The following ASAP2 variants were observed in gnomAD, a reference collection of about 807,000 sequenced individuals.
ASAP2 encodes the protein ArfGAP with SH3 domain, ankyrin repeat and PH domain 2.
Under a neutral mutation model 131.4 loss-of-function variants are expected in ASAP2, and 45 were observed. The ratio of observed to expected loss-of-function variants is 0.34; its 90% confidence interval spans 0.27 to 0.44. The LOEUF is 0.44. Ranked by LOEUF, ASAP2 falls within the 20% of genes least tolerant of loss-of-function variation. The probability of loss-of-function intolerance (pLI) is 1.00; values close to 1 mark genes in which losing one functional copy is unlikely to be tolerated. For synonymous variants in ASAP2, 510 were observed against 503.0 expected (o/e 1.01, Z -0.19); for missense variants, 1,011 against 1,297.0 (o/e 0.78, Z 3.39).
intron 1 of ASAP2, among the ~76,000 whole-genome samples, chr2:9,267,495 G>A (rs751499536): frequency 1.2e-4 from 19 of 152,030 alleles, no homozygotes; most frequent in South Asian, 2.1e-4. Flanking sequence ...TTATGGCTGC[G>A]TCATATTCCA....
At chr2:9,369,030 T>A in intron 16 of ASAP2, among the ~76,000 whole-genome samples, 2 of 151,584 alleles carry the variant, frequency 1.3e-5, no homozygotes, top group Admixed American at 6.6e-5. Context: ...TTTTTTTTTT[T>A]TCTGGGAGAC....
intron 2 of ASAP2, among the ~76,000 whole-genome samples, chr2:9,289,822 T>G (rs374044186): frequency 6.6e-6 from 1 of 152,190 alleles, no homozygotes; most frequent in Admixed American, 6.5e-5. Context: ...CTGCCTGTGC[T>G]GAACACAACC....
intron 21 of ASAP2, among the ~76,000 whole-genome samples, chr2:9,385,973 G>T (rs1299322512): frequency 1.3e-5 from 2 of 152,200 alleles, no homozygotes; most frequent in Non-Finnish European, 2.9e-5. Flanking sequence ...CTGCCTTCAC[G>T]CAGGACTTGG....
intron 12 of ASAP2, 80 bp from the exon 13 acceptor site, chr2:9,355,967 C>G (rs1255865827): frequency 9.3e-6 from 14 of 1,508,694 alleles, no homozygotes; most frequent in Non-Finnish European, 1.3e-5. Flanking sequence ...ATTCCAGAGG[C>G]TAATTAGAAA....
At chr2:9,317,729 C>A (rs539744791) in intron 3 of ASAP2, among the ~76,000 whole-genome samples, 5 of 151,762 alleles carry the variant, frequency 3.3e-5, no homozygotes, top group African/African-American at 9.7e-5. Context: ...CAATCACATT[C>A]ACACTCACAT....
intron 9 of ASAP2, among the ~76,000 whole-genome samples, chr2:9,343,700 G>C (rs1429372750): frequency 1.3e-5 from 2 of 152,178 alleles, no homozygotes; most frequent in Non-Finnish European, 2.9e-5. Flanking sequence ...GCCCACCTTG[G>C]TCTCCCCAGA....
chr2:9,401,005 C>T (rs1304318896), intron 26 of ASAP2, among the ~76,000 whole-genome samples, 175 bp downstream of exon 26: 5 of 152,046 alleles, frequency 3.3e-5, no homozygotes, highest in Admixed American at 1.3e-4. Flanking sequence ...GCCCTCCTGC[C>T]GCAGCTCCAC....
intron 24 of ASAP2, among the ~76,000 whole-genome samples, chr2:9,395,554 T>TTTTTGTTTTG (rs756728313): frequency 6.6e-6 from 1 of 151,058 alleles, no homozygotes; most frequent in Non-Finnish European, 1.5e-5. Context: ...TGTTTTTGTT[T>TTTTTGTTTTG]TTTTGTTTTG....
chr2:9,342,162 A>C (rs1671628443), intron 9 of ASAP2, among the ~76,000 whole-genome samples: 1 of 152,234 alleles, frequency 6.6e-6, no homozygotes, highest in Non-Finnish European at 1.5e-5. Context: ...TGACAAGCTG[A>C]TCCTGAAGTT....
intron 1 of ASAP2, among the ~76,000 whole-genome samples, chr2:9,211,506 C>A (rs767589461): frequency 6.6e-6 from 1 of 151,980 alleles, no homozygotes; most frequent in African/African-American, 2.4e-5. Flanking sequence ...CTTTATAGCA[C>A]CATCCATTCT....
intron 22 of ASAP2, among the ~76,000 whole-genome samples, chr2:9,390,599 G>C (rs1675644191): frequency 6.6e-6 from 1 of 152,192 alleles, no homozygotes; most frequent in African/African-American, 2.4e-5. Context: ...TCTAGTGTCT[G>C]ATTTGCACTC....
intron 2 of ASAP2, among the ~76,000 whole-genome samples, chr2:9,282,806 C>T (rs944705311): frequency 6.6e-6 from 1 of 152,222 alleles, no homozygotes; most frequent in African/African-American, 2.4e-5. Flanking sequence ...GATTTCCTGC[C>T]TGCTTTCCTG....
chr2:9,315,944 CATTT>C (rs1669643499), intron 3 of ASAP2, among the ~76,000 whole-genome samples: 1 of 152,154 alleles, frequency 6.6e-6, no homozygotes, highest in Non-Finnish European at 1.5e-5. Flanking sequence ...ATTAATTGAT[CATTT>C]ATTTAGCAGA....
intron 1 of ASAP2, among the ~76,000 whole-genome samples, chr2:9,251,851 T>A (rs2709562): frequency 6.6e-6 from 1 of 151,372 alleles, no homozygotes. Flanking sequence ...CAGTGATGGA[T>A]GGAGCAGAGA....
intron 1 of ASAP2, among the ~76,000 whole-genome samples, chr2:9,262,201 A>T (rs1314418998): frequency 6.6e-6 from 1 of 152,210 alleles, no homozygotes; most frequent in East Asian, 1.9e-4. Flanking sequence ...ATTAGTGGAA[A>T]TGAAAGGCTG....
rs767132282 is a variant in ASAP2, at chr2:9,400,041, A to G, written c.2703A>G (p.Pro901=). Residue 901 remains proline (P), a synonymous_variant, in exon 25 of 28, where the codon CCA becomes CCG. Transcript: ENST00000281419. The part of the protein sequence containing the change: ...KPAPGADKST[P]LTNKGQPRGP... ...TTTGTAGGGCTGACAAGTCCACCCC[A>G]CTGACCAACAAAGGCCAACCGAGAG... 1.2e-6 allele frequency: 2 copies of G among 1,613,328 alleles called. No homozygotes were observed. The highest frequency in any genetic ancestry group is 4.5e-5 in the East Asian group (2 of 44,860).
intron 2 of ASAP2, among the ~76,000 whole-genome samples, chr2:9,288,443 C>T (rs1476489584): frequency 6.6e-6 from 1 of 152,168 alleles, no homozygotes; most frequent in Non-Finnish European, 1.5e-5. Flanking sequence ...AGTCAGCTTG[C>T]TTCCCAGGGG....
At chr2:9,230,335 G>A (rs73912994) in intron 1 of ASAP2, among the ~76,000 whole-genome samples, 1 of 152,174 alleles carries the variant, frequency 6.6e-6, no homozygotes, top group Non-Finnish European at 1.5e-5. Context: ...CAGAGGGGCT[G>A]CGTGGGCCTG....
At chr2:9,263,096 G>A (rs528029050) in intron 1 of ASAP2, among the ~76,000 whole-genome samples, 1 of 152,130 alleles carries the variant, frequency 6.6e-6, no homozygotes, top group African/African-American at 2.4e-5. Context: ...GCCACGGCTG[G>A]AGGGCCTGGC....
Sources: allele counts gnomAD v4.1 joint callset (sites outside exome capture counted in the v4.1 genomes callset), GRCh38; gene constraint gnomAD v4.1.1; transcripts MANE v1.5; gene names NCBI Gene and HGNC (gene_info 2026-07-23, HGNC 2026-07-21).